Variants in TRANK1 observed in about 807,000 individuals in gnomAD.
TRANK1 encodes the protein tetratricopeptide repeat and ankyrin repeat containing 1, also known as TPR and ankyrin repeat-containing protein 1.
A neutral mutation model predicts 266.0 loss-of-function variants in TRANK1; 198 were observed. The observed-to-expected ratio is 0.74, with a 90% confidence interval of 0.66 to 0.84. TRANK1 has a LOEUF of 0.84. TRANK1 is among the 40% of genes least tolerant of loss of function. The pLI is 0.00. For synonymous variants in TRANK1, 1,396 were observed against 1,384.1 expected (o/e 1.01, Z -0.19); for missense variants, 3,326 against 3,634.6 (o/e 0.92, Z 2.18).
chr3:36,874,199 A>G lies in TRANK1; in HGVS notation c.1005T>C (p.Asn335=). The change falls in exon 9 of 24, where the codon AAT becomes AAC. Residue 335 remains asparagine (N), a synonymous_variant. Coordinates refer to ENST00000645898, the MANE Select transcript of TRANK1 (RefSeq NM_001329998.2). ...SRSVVDVLKR[N]KNFKAIEKIN... is the part of the protein sequence containing the mutation. ...TTTTCTCGATGGCTTTGAAGTTCTTATTCCTCTTCAGGACATCCACAACAG... is the reference window on the plus strand; with the variant it reads ...TTTTCTCGATGGCTTTGAAGTTCTTGTTCCTCTTCAGGACATCCACAACAG... The G allele has an allele frequency of 1.3e-6, 2 of 1,537,376 alleles. No individual in the cohort carries two copies. The highest frequency in any genetic ancestry group is 1.7e-6 in the Non-Finnish European group (2 of 1,146,922).
chr3:36,887,048 A>G (rs564562637), intron 8 of TRANK1, among the ~76,000 whole-genome samples: 64 of 152,028 alleles, frequency 4.2e-4, no homozygotes, highest in South Asian at 8.3e-4. Flanking sequence ...CTGGGACTAC[A>G]GGCGCATGCT....
intron 9 of TRANK1, among the ~76,000 whole-genome samples, chr3:36,866,018 C>G (rs1049944316): frequency 1.6e-5 from 2 of 125,118 alleles, no homozygotes; most frequent in East Asian, 4.4e-4. Context: ...GAGAGACAGA[C>G]AGAAAGAAAG....
intron 20 of TRANK1, among the ~76,000 whole-genome samples, chr3:36,836,127 T>C (rs2078767685): frequency 6.6e-6 from 1 of 152,206 alleles, no homozygotes; most frequent in South Asian, 2.1e-4. Context: ...GTCAAGAATG[T>C]GGGGAATGCA....
At chr3:36,853,884 C>T (rs141022459) in intron 13 of TRANK1, among the ~76,000 whole-genome samples, 1 of 152,122 alleles carries the variant, frequency 6.6e-6, no homozygotes, top group African/African-American at 2.4e-5. Flanking sequence ...GTAGTAACTG[C>T]TATGATTATG....
At chr3:36,905,219 C>T (rs1250576960) in intron 2 of TRANK1, among the ~76,000 whole-genome samples, 13 of 149,292 alleles carry the variant, frequency 8.7e-5, no homozygotes, top group African/African-American at 2.2e-4. Flanking sequence ...ACCCGGGAGG[C>T]GGCGGAGCTT....
intron 20 of TRANK1, among the ~76,000 whole-genome samples, chr3:36,836,363 A>G (rs148674040): frequency 1.4e-4 from 22 of 152,354 alleles, no homozygotes; most frequent in Non-Finnish European, 2.5e-4. Context: ...GAATTCATCA[A>G]TGCAGTCAAT....
At chr3:36,935,385 C>T (rs937148983) in intron 1 of TRANK1, among the ~76,000 whole-genome samples, 2 of 151,562 alleles carry the variant, frequency 1.3e-5, no homozygotes, top group Non-Finnish European at 2.9e-5. Context: ...GTGCTGGTCT[C>T]GACAGCTCTG....
rs566250765 is a variant in TRANK1, at chr3:36,903,988, TCAC to T, written c.156-716_156-714del. 4.6e-3 allele frequency among the ~76,000 whole-genome samples: 696 copies of T among 152,248 alleles called. 4 individuals are homozygous for T. Among genetic ancestry groups the T allele is most frequent in the Non-Finnish European group, 7.9e-3 (538 of 68,022 alleles). ...TATTTAATATCTTTGAGACAGAGTC[TCAC>T]TCTGTCGCCCAAGCTGGAATGCAGT... On this transcript the variant is annotated intron_variant, in intron 2 of 23. Transcript: ENST00000645898.
intron 9 of TRANK1, among the ~76,000 whole-genome samples, chr3:36,865,799 C>T (rs548441591): frequency 3.3e-5 from 5 of 152,084 alleles, no homozygotes; most frequent in South Asian, 4.2e-4. Context: ...TGTAATGGCA[C>T]ATGCCTGTGG....
rs972887272 is a variant in TRANK1 at position 36,880,094 on chromosome 3, A to G, written c.908-5798T>C. ...CATGCAAATATATATAAACATATAT[A>G]AATATATATAAACATATATAAATAT... On this transcript the variant is annotated intron_variant, in intron 8 of 23. Transcript: ENST00000645898. The G allele has an allele frequency of 1.2e-4, 17 of 142,052 alleles. 2 individuals carry two copies. The allele number at this position is 142,052 out of a possible 1,614,324, so 8.8% of individuals were successfully genotyped here.
intron 8 of TRANK1, among the ~76,000 whole-genome samples, chr3:36,882,919 C>T (rs187567657): frequency 2.6e-5 from 4 of 152,112 alleles, no homozygotes; most frequent in Admixed American, 6.6e-5. Context: ...CAAATTAAAA[C>T]GATACTGGAA....
chr3:36,944,858 G>C lies in TRANK1; in HGVS notation c.-49C>G, dbSNP rs572516072. 2 of 1,432,844 alleles carry C rather than the reference G, an allele frequency of 1.4e-6. No individual in the cohort carries two copies. Among genetic ancestry groups the C allele is most frequent in the Admixed American group, 2.9e-5 (1 of 34,508 alleles). The allele number at this position is 1,432,844 out of a possible 1,614,324, so 88.8% of individuals were successfully genotyped here. A position where few individuals can be genotyped will look rare whatever the true frequency, so the allele number is the denominator to read the frequency against. ...CAGGACCGCCGCCGCCTGGGGAAGCGCTTCCCTGTGGGCAGGGCGCGGCGG... is the reference window on the plus strand; with the variant it reads ...CAGGACCGCCGCCGCCTGGGGAAGCCCTTCCCTGTGGGCAGGGCGCGGCGG... On this transcript the variant is annotated 5_prime_UTR_variant, in exon 1 of 24. Coordinates refer to ENST00000645898, the MANE Select transcript of TRANK1 (RefSeq NM_001329998.2).
intron 9 of TRANK1, among the ~76,000 whole-genome samples, chr3:36,866,052 A>AAGAAAG (rs1279607526): frequency 8.6e-5 from 11 of 127,874 alleles, no homozygotes; most frequent in South Asian, 2.8e-4. Context: ...GACAGAAAGA[A>AAGAAAG]AAAGAAAGAA....
chr3:36,851,075 G>C (rs1409490858), intron 15 of TRANK1: 2 of 985,510 alleles, frequency 2.0e-6, no homozygotes, highest in Non-Finnish European at 2.4e-6. Flanking sequence ...AATGAACTAA[G>C]CTTGGGGAGA....
chr3:36,865,492 G>T (rs1011376812), intron 9 of TRANK1, among the ~76,000 whole-genome samples: 11 of 152,162 alleles, frequency 7.2e-5, no homozygotes, highest in Non-Finnish European at 1.6e-4. Context: ...AGTGGAAAAG[G>T]CCAAGTAAGG....
At chr3:36,942,014 C>CCA (rs2080503261) in intron 1 of TRANK1, among the ~76,000 whole-genome samples, 1 of 152,188 alleles carries the variant, frequency 6.6e-6, no homozygotes, top group Non-Finnish European at 1.5e-5. Context: ...ACCTCAACCT[C>CCA]CACTTCAGTT....
intron 1 of TRANK1, among the ~76,000 whole-genome samples, chr3:36,940,377 G>A (rs986783196): frequency 6.6e-6 from 1 of 151,928 alleles, no homozygotes; most frequent in Non-Finnish European, 1.5e-5. Flanking sequence ...GCAGGCGCCT[G>A]TAGTCCTAGC....
rs764514330 is a variant in TRANK1 at position 36,847,212 on chromosome 3, T to C, written c.5022A>G (p.Pro1674=). The C allele has an allele frequency of 1.4e-5, 22 of 1,613,202 alleles. No homozygotes were observed. In the Admixed American group the frequency reaches 1.5e-4, roughly 11 times the overall value. ...GGCAGAAATTCACCTTGTACATTTC[T>C]GGATTCACCATGAGAGATCGACCCT... ...SSQGRSLMVN[P]EMYKLLNGEL... The change falls in exon 16 of 24, where the codon CCA becomes CCG. Residue 1674 remains proline, a synonymous_variant. Coordinates refer to ENST00000645898, the MANE Select transcript of TRANK1 (RefSeq NM_001329998.2).
chr3:36,868,333 A>C (rs1252883267), intron 9 of TRANK1, among the ~76,000 whole-genome samples: 1 of 152,204 alleles, frequency 6.6e-6, no homozygotes, highest in Non-Finnish European at 1.5e-5. Context: ...CATTTTGCTT[A>C]AAGTCAGTTT....
Sources: gnomAD v4.1 joint callset for allele counts (sites outside exome capture counted in the v4.1 genomes callset) on GRCh38, gnomAD v4.1.1 for gene constraint, MANE v1.5 for transcripts, NCBI Gene and HGNC (gene_info 2026-07-23, HGNC 2026-07-21) for gene names.